Variants in CEP43 observed in about 807,000 individuals in gnomAD.
The protein encoded by CEP43 is FGFR1 oncogene partner.
In CEP43, 36 loss-of-function variants were observed where a neutral mutation model predicts 52.6. The observed-to-expected ratio is 0.68, with a 90% CI of 0.52 to 0.90. The LOEUF is 0.90. Among genes scored for constraint, CEP43 ranks in the 40% least tolerant of loss-of-function variants. The pLI, the probability that CEP43 is intolerant of heterozygous loss-of-function variation, is 0.00. For synonymous variants in CEP43, 192 were observed against 172.4 expected (o/e 1.11, Z -0.89); for missense variants, 506 against 472.8 (o/e 1.07, Z -0.65).
chr6:167,042,309 AT>A lies in CEP43; in HGVS notation c.*2336del. On this transcript the variant is annotated 3_prime_UTR_variant, in exon 13 of 13. Coordinates refer to ENST00000366847, the MANE Select transcript of CEP43 (RefSeq NM_007045.4). The stretch of plus-strand genomic sequence containing the variant: ...ATTGAAATATTAACCCATTAAATAC[AT>A]TTTTATGGTAACCTATGTTTTACAG... 1.0e-6 allele frequency: 1 copy of A among 991,076 alleles called. No individual in the cohort carries two copies. Among genetic ancestry groups the A allele is most frequent in the Non-Finnish European group, 1.2e-6 (1 of 827,790 alleles). 61.4% of individuals were successfully genotyped at this position (991,076 alleles called of 1,614,324 possible).
Position 167,040,908 on chromosome 6 carries a change from T to C in CEP43, c.*930T>C, listed in dbSNP as rs116199826. 508 of 1,023,880 alleles carry C rather than the reference T, an allele frequency of 5.0e-4. 3 individuals carry two copies. In the African/African-American group the frequency reaches 8.1e-3, roughly 16 times the overall value. 63.4% of individuals were successfully genotyped at this position (1,023,880 alleles called of 1,614,324 possible). A position where few individuals can be genotyped will look rare whatever the true frequency, so the allele number is the denominator to read the frequency against. On this transcript the variant is annotated 3_prime_UTR_variant, in exon 13 of 13. Transcript: ENST00000366847. ...ATAATTTCATTGTAACCCTTAAAAA[T>C]AGAGCCAATAATAGAATTTCCACAG...
chr6:167,001,849 C>T (rs570297898), intron 2 of CEP43, among the ~76,000 whole-genome samples: 1 of 152,234 alleles, frequency 6.6e-6, no homozygotes, highest in South Asian at 2.1e-4. Context: ...TGGTGTCCCT[C>T]ACCATCTCCC....
intron 5 of CEP43, among the ~76,000 whole-genome samples, chr6:167,007,683 C>T (rs1779886402): frequency 6.6e-6 from 1 of 152,170 alleles, no homozygotes; most frequent in South Asian, 2.1e-4. Context: ...CTGTAGAAAA[C>T]TAGCTATAGG....
rs1780677820 is a variant in CEP43 at position 167,040,737 on chromosome 6, T to C, written c.*759T>C. ...CATTATAATTTATTATCTGTAAAGA[T>C]TCCTTGAAACTTAAATGCATCTGAA... On this transcript the variant is annotated 3_prime_UTR_variant, in exon 13 of 13. Transcript: ENST00000366847. 9.8e-7 allele frequency: 1 copy of C among 1,021,280 alleles called. No individual in the cohort carries two copies. Among genetic ancestry groups the C allele is most frequent in the Non-Finnish European group, 1.2e-6 (1 of 849,782 alleles). 63.3% of individuals were successfully genotyped at this position (1,021,280 alleles called of 1,614,324 possible). A position where few individuals can be genotyped will look rare whatever the true frequency, so the allele number is the denominator to read the frequency against.
chr6:167,042,293 T>C lies in CEP43; in HGVS notation c.*2315T>C. On this transcript the variant is annotated 3_prime_UTR_variant, in exon 13 of 13. Transcript: ENST00000366847. ...CTGTTAAAAAATAAATATTGAAATA[T>C]TAACCCATTAAATACATTTTTATGG... The C allele has an allele frequency of 4.0e-6, 4 of 1,000,998 alleles. No homozygotes were observed. The highest frequency in any genetic ancestry group is 4.8e-6 in the Non-Finnish European group (4 of 836,630). 62.0% of individuals were successfully genotyped at this position (1,000,998 alleles called of 1,614,324 possible).
intron 5 of CEP43, 64 bp from the exon 6 acceptor site, chr6:167,010,749 G>A (rs2128659837): frequency 1.4e-6 from 1 of 709,490 alleles, no homozygotes; most frequent in East Asian, 3.2e-5. Flanking sequence ...TTCTATTGGA[G>A]TGTAATTGGT....
At chr6:167,003,316 A>G in intron 3 of CEP43, 69 bp downstream of exon 3, 1 of 858,994 alleles carries the variant, frequency 1.2e-6, no homozygotes, top group Non-Finnish European at 1.8e-6. Flanking sequence ...TTTGGGAGAA[A>G]TCAGGAATTT....
At chr6:167,004,069 C>T (rs1201808812) in intron 4 of CEP43, 195 bp from the exon 5 acceptor site, 1 of 611,668 alleles carries the variant, frequency 1.6e-6, no homozygotes, top group Non-Finnish European at 2.7e-6. Flanking sequence ...TAGAGTGCAC[C>T]TGTTAATGGA....
Position 167,046,619 on chromosome 6 carries a change from G to T in CEP43, c.*6641G>T, listed in dbSNP as rs1261069123. The T allele has an allele frequency of 6.6e-6, 1 of 152,268 alleles. No homozygotes were observed. Among genetic ancestry groups the T allele is most frequent in the Non-Finnish European group, 1.5e-5 (1 of 68,072 alleles). The allele number at this position is 152,268 out of a possible 1,614,324, so 9.4% of individuals were successfully genotyped here. A position where few individuals can be genotyped will look rare whatever the true frequency, so the allele number is the denominator to read the frequency against. On this transcript the variant is annotated 3_prime_UTR_variant, in exon 13 of 13. Transcript: ENST00000366847. ...TCTGTCCACTCCACCTGCAGATGCA[G>T]AGGTGGCCCCATCCTGTGATGTGCC... is the stretch of plus-strand genomic sequence containing the variant.
intron 10 of CEP43, chr6:167,028,608 T>C (rs1332536975): frequency 2.0e-6 from 1 of 495,114 alleles, no homozygotes; most frequent in Non-Finnish European, 2.6e-6. Flanking sequence ...AGGAGAATAA[T>C]GATGTTAGTG....
intron 10 of CEP43, among the ~76,000 whole-genome samples, chr6:167,028,768 C>A (rs1780406490): frequency 1.3e-5 from 2 of 152,150 alleles, no homozygotes; most frequent in African/African-American, 2.4e-5. Flanking sequence ...TGATGCATCA[C>A]ACAGAGCCCT....
At chr6:167,003,694 C>G in intron 3 of CEP43, 29 bp from the exon 4 acceptor site, 1 of 1,420,942 alleles carries the variant, frequency 7.0e-7, no homozygotes, top group Non-Finnish European at 9.9e-7. Context: ...TGAAGATTTG[C>G]TTACTTACCT....
chr6:167,005,900 C>G (rs774965971), intron 5 of CEP43, among the ~76,000 whole-genome samples: 4 of 152,166 alleles, frequency 2.6e-5, no homozygotes, highest in Non-Finnish European at 4.4e-5. Flanking sequence ...TGGCTCACCT[C>G]ATTGCAGTGG....
intron 7 of CEP43, among the ~76,000 whole-genome samples, chr6:167,020,085 T>C (rs898982430): frequency 6.6e-6 from 1 of 152,192 alleles, no homozygotes; most frequent in South Asian, 2.1e-4. Flanking sequence ...AGTGTAAAAA[T>C]CAGAAATTAC....
At chr6:167,021,291 C>G (rs546644800) in intron 7 of CEP43, among the ~76,000 whole-genome samples, 14 of 152,196 alleles carry the variant, frequency 9.2e-5, no homozygotes, top group African/African-American at 3.4e-4. Flanking sequence ...TTGAGTTAAC[C>G]TCTGGAAGCA....
At chr6:167,000,433 A>T (rs767573107) in intron 2 of CEP43, among the ~76,000 whole-genome samples, 2 of 152,186 alleles carry the variant, frequency 1.3e-5, no homozygotes, top group Non-Finnish European at 2.9e-5. Context: ...TAGTAAGCTA[A>T]TATGTTATTA....
At position 167,042,225 on chromosome 6, in the gene CEP43, T is replaced by C; in HGVS notation, c.*2247T>C. On this transcript the variant is annotated 3_prime_UTR_variant, in exon 13 of 13. Transcript: ENST00000366847. ...ATTAGGTATTATCAACTTATGAAAC[T>C]TGAAGATGTGAAGTGACAGGTTTTG... 1 of 1,007,126 alleles carries C rather than the reference T, an allele frequency of 9.9e-7. No homozygotes were observed. Among genetic ancestry groups the C allele is most frequent in the Non-Finnish European group, 1.2e-6 (1 of 842,050 alleles). The allele number at this position is 1,007,126 out of a possible 1,614,324, so 62.4% of individuals were successfully genotyped here.
At chr6:167,024,231 G>A (rs1021471068) in intron 8 of CEP43, among the ~76,000 whole-genome samples, 3 of 152,170 alleles carry the variant, frequency 2.0e-5, no homozygotes, top group African/African-American at 7.2e-5. Context: ...GAGGATGGAG[G>A]ACGGAGGTTG....
intron 7 of CEP43, among the ~76,000 whole-genome samples, chr6:167,017,484 G>A (rs1245995243): frequency 1.3e-5 from 2 of 152,134 alleles, no homozygotes; most frequent in Non-Finnish European, 2.9e-5. Context: ...AGGTGTCCTG[G>A]GTACTGAGGG....
Sources: gnomAD v4.1 joint callset for allele counts (sites outside exome capture counted in the v4.1 genomes callset) on GRCh38, gnomAD v4.1.1 for gene constraint, MANE v1.5 for transcripts, NCBI Gene and HGNC (gene_info 2026-07-23, HGNC 2026-07-21) for gene names.